The following PKM variants were observed in gnomAD, a reference collection of about 807,000 sequenced individuals.
PKM encodes pyruvate kinase PKM.
PKM carries 18 observed loss-of-function variants against 49.8 expected under a neutral mutation model. The observed-to-expected ratio is 0.36, with a 90% CI of 0.25 to 0.54. The LOEUF is 0.54. Among genes scored for constraint, PKM ranks in the 20% least tolerant of loss-of-function variants. PKM has a pLI of 0.89. For synonymous variants in PKM, 239 were observed against 261.8 expected, an observed-to-expected ratio of 0.91 and a Z score of 0.84; for missense variants, 508 against 713.8, an observed-to-expected ratio of 0.71 and a Z score of 3.28.
intron 2 of PKM, 94 bp downstream of exon 2, chr15:72,218,850 C>A (rs1006576106): frequency 2.6e-5 from 34 of 1,297,960 alleles, no homozygotes; most frequent in Non-Finnish European, 3.5e-5. Context: ...CCATGTAGCA[C>A]CTAGGTTTGT....
intron 7 of PKM, 64 bp downstream of exon 7, chr15:72,207,063 C>T: frequency 6.3e-7 from 1 of 1,591,612 alleles, no homozygotes; most frequent in South Asian, 1.1e-5. Flanking sequence ...AGACAGCCTC[C>T]AGAGCTTTCC....
At chr15:72,230,188 C>T (rs967038026) in intron 1 of PKM, among the ~76,000 whole-genome samples, 44 of 152,294 alleles carry the variant, frequency 2.9e-4, no homozygotes, top group Admixed American at 2.0e-4. Flanking sequence ...CCTCGCAGGC[C>T]GCCCATCTAA....
intron 8 of PKM, chr15:72,206,224 C>T (rs186272179): frequency 5.7e-4 from 99 of 173,070 alleles, no homozygotes; most frequent in African/African-American, 2.3e-3. Flanking sequence ...GACTCCAGTG[C>T]AGGTCCACAA....
rs2081958738 is a variant in PKM, at chr15:72,202,080, C to T, written c.1307+374G>A. On this transcript the variant is annotated intron_variant, in intron 9 of 10. Transcript: ENST00000335181. This position sits in a 1 kb window ranked among gnomAD's most constrained non-coding sequence, Gnocchi z 4.5. ...AACAGCATTTAAATAAATTCATTTC[C>T]CAACTGAAATTTTTAAAGAGCACAT... 3.5e-6 allele frequency: 1 copy of T among 284,476 alleles called. No individual in the cohort carries two copies. Among genetic ancestry groups the T allele is most frequent in the Admixed American group, 4.8e-5 (1 of 20,654 alleles). 17.6% of individuals were successfully genotyped at this position (284,476 alleles called of 1,614,324 possible). A position where few individuals can be genotyped will look rare whatever the true frequency, so the allele number is the denominator to read the frequency against.
At position 72,209,874 on chromosome 15, in the gene PKM, G is replaced by A. The variant is rs758400274; in HGVS notation, c.379-15C>T. 113 of 1,611,702 alleles carry A rather than the reference G, an allele frequency of 7.0e-5. No individual in the cohort carries two copies. The highest frequency in any genetic ancestry group is 9.6e-5 in the Non-Finnish European group (113 of 1,177,996). On this transcript the variant is annotated splice_polypyrimidine_tract_variant and intron_variant, in intron 4 of 10. Transcript: ENST00000335181. ...GCAGTGCCGCTCTAGGGACAAGAGA[G>A]TAAGCAAGAGTCCAAACTGGAGACA...
chr15:72,220,631 C>G (rs2082496780), intron 1 of PKM, among the ~76,000 whole-genome samples: 1 of 152,230 alleles, frequency 6.6e-6, no homozygotes, highest in Non-Finnish European at 1.5e-5. Context: ...CCCCTAATAT[C>G]TACTACGTAC....
chr15:72,212,161 G>A (rs1467737070), intron 3 of PKM, among the ~76,000 whole-genome samples: 2 of 152,144 alleles, frequency 1.3e-5, no homozygotes, highest in African/African-American at 4.8e-5. Flanking sequence ...TTACTGGCTT[G>A]TAATAGAAAT....
chr15:72,214,794 CTAAATAAA>C lies in PKM; in HGVS notation c.246+2607_246+2614del, dbSNP rs60170895. Reference sequence around the variant, plus strand: ...TGGATGACAGAGCGAGACTCCCTCTCTAAATAAATAAATAAATAAATAAATAAATCTGG... The same window carrying C: ...TGGATGACAGAGCGAGACTCCCTCTCTAAATAAATAAATAAATAAATCTGG... On this transcript the variant is annotated intron_variant, in intron 3 of 10. Coordinates refer to ENST00000335181, the MANE Select transcript of PKM (RefSeq NM_002654.6). 4.0e-3 allele frequency among the ~76,000 whole-genome samples: 610 copies of C among 151,678 alleles called. 3 individuals are homozygous for C. Among genetic ancestry groups the C allele is most frequent in the African/African-American group, 7.4e-3 (307 of 41,316 alleles).
intron 5 of PKM, chr15:72,209,413 A>ATATATATATG (rs2082176395): frequency 4.0e-5 from 1 of 24,912 alleles, no homozygotes; most frequent in African/African-American, 1.0e-4. Context: ...ATATATATAT[A>ATATATATATG]TATATATATA....
intron 1 of PKM, among the ~76,000 whole-genome samples, chr15:72,220,196 TG>T (rs1308457978): frequency 1.3e-5 from 2 of 152,210 alleles, no homozygotes; most frequent in Non-Finnish European, 2.9e-5. Flanking sequence ...GCTGTTTCCT[TG>T]AGTTCTCAGA....
intron 5 of PKM, 108 bp downstream of exon 5, chr15:72,209,565 A>T (rs1373336016): frequency 1.6e-5 from 14 of 883,110 alleles, no homozygotes; most frequent in Non-Finnish European, 2.5e-5. Context: ...GAGAACACAC[A>T]GACTCAATCT....
intron 1 of PKM, among the ~76,000 whole-genome samples, chr15:72,226,765 T>C (rs2082681473): frequency 6.6e-6 from 1 of 152,164 alleles, no homozygotes; most frequent in African/African-American, 2.4e-5. Context: ...GACTGCTTGC[T>C]GGCATGAGGA....
chr15:72,210,060 TTAA>T (rs2082209803), intron 4 of PKM: 1 of 637,554 alleles, frequency 1.6e-6, no homozygotes, highest in African/African-American at 1.8e-5. Context: ...GTTATGCTAC[TTAA>T]TGATGGGGAA....
intron 1 of PKM, chr15:72,229,752 G>A (rs1183485529): frequency 3.5e-6 from 4 of 1,139,698 alleles, no homozygotes; most frequent in East Asian, 6.0e-5. Context: ...AGTCATCCTG[G>A]TCTCTAACTC....
Position 72,221,818 on chromosome 15 carries a change from TA to T in PKM, c.-13-2709del, listed in dbSNP as rs797002845. On this transcript the variant is annotated intron_variant, in intron 1 of 10. Transcript: ENST00000335181. ...CAAGTTCTGTACACTGGGTTGTGATTAAAAAAAAAAAACGATACAAGTCTTA... is the reference window on the plus strand; with the variant it reads ...CAAGTTCTGTACACTGGGTTGTGATTAAAAAAAAAAACGATACAAGTCTTA... 4.4e-3 allele frequency among the ~76,000 whole-genome samples: 553 copies of T among 126,774 alleles called. 4 individuals are homozygous for T. Among genetic ancestry groups the T allele is most frequent in the Non-Finnish European group, 3.9e-3 (232 of 59,856 alleles). 83.2% of individuals were successfully genotyped at this position (126,774 alleles called of 152,430 possible).
intron 9 of PKM, chr15:72,201,032 T>G (rs1474907607): frequency 2.5e-5 from 5 of 203,376 alleles, no homozygotes; most frequent in Non-Finnish European, 5.0e-5. Context: ...TCGCTGCCAA[T>G]GACAGTGACA....
chr15:72,211,697 G>C (rs530618426), intron 3 of PKM, among the ~76,000 whole-genome samples: 15 of 151,744 alleles, frequency 9.9e-5, no homozygotes, highest in African/African-American at 3.1e-4. Flanking sequence ...CGTGCCTGGG[G>C]TCCCAGCTAC....
Position 72,200,469 on chromosome 15 carries a change from C to A in PKM, c.1489+5G>T. On this transcript the variant is annotated splice_donor_5th_base_variant and intron_variant, in intron 10 of 10. Coordinates refer to ENST00000335181, the MANE Select transcript of PKM (RefSeq NM_002654.6). This position sits in a 1 kb window ranked among gnomAD's most constrained non-coding sequence, Gnocchi z 4.6. ...TAGGCTCTAGCCCCTGCTCCAGCCA[C>A]GTACCAACATTCATGGCAAAGTTCA... is the stretch of plus-strand genomic sequence containing the variant. 6.2e-7 allele frequency: 1 copy of A among 1,612,430 alleles called. No homozygotes were observed. The highest frequency in any genetic ancestry group is 8.5e-7 in the Non-Finnish European group (1 of 1,179,562).
At position 72,202,175 on chromosome 15, in the gene PKM, C is replaced by T; in HGVS notation, c.1307+279G>A. Reference sequence around the variant, plus strand: ...GGACTAAATTTTCAATATCAAATAACCATTTGTAGTCAGCCTGTGCACTGT... The same window carrying T: ...GGACTAAATTTTCAATATCAAATAATCATTTGTAGTCAGCCTGTGCACTGT... On this transcript the variant is annotated intron_variant, in intron 9 of 10. Transcript: ENST00000335181. The surrounding 1 kb of genome is among the most constrained non-coding windows in gnomAD (Gnocchi z 4.5). 2 of 490,348 alleles carry T rather than the reference C, an allele frequency of 4.1e-6. No individual in the cohort carries two copies. The highest frequency in any genetic ancestry group is 4.9e-5 in the South Asian group (2 of 40,698). The allele number at this position is 490,348 out of a possible 1,614,324, so 30.4% of individuals were successfully genotyped here. A position where few individuals can be genotyped will look rare whatever the true frequency, so the allele number is the denominator to read the frequency against.
Sources: allele counts gnomAD v4.1 joint callset (sites outside exome capture counted in the v4.1 genomes callset), GRCh38; gene constraint gnomAD v4.1.1; non-coding constraint Gnocchi (gnomAD v3.1); transcripts MANE v1.5; gene names NCBI Gene and HGNC (gene_info 2026-07-23, HGNC 2026-07-21).